Variants in TRDN observed in about 807,000 individuals in gnomAD.
The protein encoded by TRDN is triadin.
TRDN carries 161 observed loss-of-function variants against 149.7 expected under a neutral mutation model. That is an observed-to-expected ratio of 1.08 (90% confidence interval 0.95 to 1.23). The LOEUF (loss-of-function observed/expected upper bound fraction) is 1.23. Ranked by LOEUF, TRDN falls within the 50% of genes most tolerant of loss-of-function variation. The pLI is 0.00. For synonymous variants in TRDN, 294 were observed against 250.5 expected, an observed-to-expected ratio of 1.17 and a Z score of -1.64; for missense variants, 896 against 823.5, an observed-to-expected ratio of 1.09 and a Z score of -1.08.
chr6:123,279,056 G>A lies in TRDN; in HGVS notation c.1537C>T (p.Gln513Ter), dbSNP rs757355311. 30 of 1,608,808 alleles carry A rather than the reference G, an allele frequency of 1.9e-5. No homozygotes were observed. The South Asian group carries it at 1.9e-4, about 10-fold the overall frequency. ...TTTATTGAGCATGCATATAACATACGTGGAGGTTTAGGCTTGACTTCTTTG... is the reference window on the plus strand; with the variant it reads ...TTTATTGAGCATGCATATAACATACATGGAGGTTTAGGCTTGACTTCTTTG... Reference protein sequence around the residue: ...AGKEVKPKPPQLQGKKEEKPE... With the variant: ...AGKEVKPKPP Residue 513 changes from glutamine to a stop codon, truncating the protein, a stop_gained and splice_region_variant, in exon 25 of 41, where the codon CAA becomes TAA. Coordinates refer to ENST00000334268, the MANE Select transcript of TRDN (RefSeq NM_006073.4). LOFTEE classifies it high-confidence loss of function.
chr6:123,330,300 A>C (rs573735151), intron 23 of TRDN, among the ~76,000 whole-genome samples: 125 of 152,206 alleles, frequency 8.2e-4, no homozygotes, highest in African/African-American at 2.9e-3. Flanking sequence ...CAAGTCAACC[A>C]ACAGTAAGAT....
intron 9 of TRDN, among the ~76,000 whole-genome samples, chr6:123,475,807 C>G (rs1373849734): frequency 2.0e-5 from 3 of 151,232 alleles, no homozygotes; most frequent in African/African-American, 4.9e-5. Flanking sequence ...AAGACAAAAA[C>G]CACATGATTA....
intron 37 of TRDN, among the ~76,000 whole-genome samples, chr6:123,254,180 TA>T (rs1776472127): frequency 6.6e-6 from 1 of 152,098 alleles, no homozygotes; most frequent in African/African-American, 2.4e-5. Flanking sequence ...CAAAGGATAT[TA>T]AACAATATTT....
At chr6:123,427,246 C>T (rs1774160844) in intron 12 of TRDN, among the ~76,000 whole-genome samples, 1 of 149,884 alleles carries the variant, frequency 6.7e-6, no homozygotes, top group African/African-American at 2.4e-5. Context: ...ACTATGGCCT[C>T]ACTTCCTGGA....
chr6:123,429,804 T>C (rs147224800), intron 12 of TRDN, among the ~76,000 whole-genome samples: 21 of 152,332 alleles, frequency 1.4e-4, no homozygotes, highest in African/African-American at 5.1e-4. Flanking sequence ...TAATTTATCC[T>C]ATTAATAAAT....
intron 37 of TRDN, among the ~76,000 whole-genome samples, chr6:123,253,473 T>C (rs1776450368): frequency 6.6e-6 from 1 of 152,136 alleles, no homozygotes; most frequent in Admixed American, 6.6e-5. Flanking sequence ...ATTGTTAGAG[T>C]ACTATGCTTC....
At chr6:123,250,049 C>T (rs9385287) in intron 38 of TRDN, among the ~76,000 whole-genome samples, 26,517 of 151,936 alleles carry the variant, frequency 0.17, 2,905 homozygotes, top group East Asian at 0.49. Flanking sequence ...TTCCATACAC[C>T]AATAATGAAC....
intron 38 of TRDN, among the ~76,000 whole-genome samples, chr6:123,247,878 A>G (rs1380792825): frequency 6.6e-6 from 1 of 152,206 alleles, no homozygotes; most frequent in Admixed American, 6.5e-5. Context: ...ACAAAACAGC[A>G]TGGTACTGGT....
chr6:123,547,354 G>A lies in TRDN; in HGVS notation c.410C>T (p.Pro137Leu), dbSNP rs1242484153. The A allele has an allele frequency of 1.4e-6, 2 of 1,457,624 alleles. No individual in the cohort carries two copies. Among genetic ancestry groups the A allele is most frequent in the Non-Finnish European group, 1.8e-6 (2 of 1,098,748 alleles). The allele number at this position is 1,457,624 out of a possible 1,614,324, so 90.3% of individuals were successfully genotyped here. A position where few individuals can be genotyped will look rare whatever the true frequency, so the allele number is the denominator to read the frequency against. Residue 137 changes from proline (P) to leucine (L), a missense_variant, in exon 4 of 41, where the codon CCC becomes CTC. Coordinates refer to ENST00000334268, the MANE Select transcript of TRDN (RefSeq NM_006073.4). Reference sequence around the variant, plus strand: ...AAACAACTAACCTTTTTTTCTCAAGGGAGGCTCATCTATTTCTCCTAGACC... The same window carrying A: ...AAACAACTAACCTTTTTTTCTCAAGAGAGGCTCATCTATTTCTCCTAGACC... The part of the protein sequence containing the change: ...DTDKGEIDEP[P>L]LRKKEIHKDK...
At chr6:123,502,738 T>G in intron 8 of TRDN, 1 of 984,628 alleles carries the variant, frequency 1.0e-6, no homozygotes, top group Non-Finnish European at 1.2e-6. Context: ...ACCAATTCTT[T>G]GATACAGTCC....
At chr6:123,233,715 C>G (rs1775692138) in intron 38 of TRDN, among the ~76,000 whole-genome samples, 1 of 152,122 alleles carries the variant, frequency 6.6e-6, no homozygotes, top group South Asian at 2.1e-4. Context: ...ATTTTTTCTC[C>G]TAAAACAAAA....
intron 6 of TRDN, among the ~76,000 whole-genome samples, chr6:123,513,394 A>AT (rs1427303585): frequency 3.3e-5 from 5 of 152,100 alleles, no homozygotes; most frequent in African/African-American, 4.8e-5. Context: ...ATTTGAATAC[A>AT]TTTTTTTCTG....
At chr6:123,628,143 A>G (rs1467994021) in intron 1 of TRDN, among the ~76,000 whole-genome samples, 2 of 152,202 alleles carry the variant, frequency 1.3e-5, no homozygotes, top group Admixed American at 1.3e-4. Flanking sequence ...TTGGTGCAAG[A>G]GGCCTAGCTT....
chr6:123,311,310 C>T (rs1012247801), intron 24 of TRDN, among the ~76,000 whole-genome samples: 6 of 152,044 alleles, frequency 3.9e-5, no homozygotes, highest in African/African-American at 1.4e-4. Flanking sequence ...AAATCGCCCC[C>T]ATGATCCAAT....
chr6:123,619,597 C>T (rs996560646), intron 1 of TRDN, among the ~76,000 whole-genome samples: 13 of 152,030 alleles, frequency 8.6e-5, no homozygotes, highest in East Asian at 1.9e-4. Flanking sequence ...TTGTGTTTAA[C>T]GGGAGGAAAA....
At chr6:123,256,457 A>G (rs567628918) in intron 35 of TRDN, among the ~76,000 whole-genome samples, 1 of 152,160 alleles carries the variant, frequency 6.6e-6, no homozygotes, top group East Asian at 1.9e-4. Flanking sequence ...AACATTGTAA[A>G]AGCATTCCTA....
chr6:123,579,306 G>A (rs1783006247), intron 1 of TRDN, among the ~76,000 whole-genome samples: 1 of 152,034 alleles, frequency 6.6e-6, no homozygotes, highest in Admixed American at 6.6e-5. Context: ...TTATTTTGAG[G>A]TATGTTCCTT....
At chr6:123,614,259 A>G (rs1055792767) in intron 1 of TRDN, among the ~76,000 whole-genome samples, 2 of 149,930 alleles carry the variant, frequency 1.3e-5, no homozygotes, top group Admixed American at 1.3e-4. Flanking sequence ...TGATTAACAT[A>G]AGAATGTTAC....
At chr6:123,406,247 C>T (rs1773184993) in intron 12 of TRDN, among the ~76,000 whole-genome samples, 1 of 152,074 alleles carries the variant, frequency 6.6e-6, no homozygotes, top group South Asian at 2.1e-4. Context: ...AGATTGTATA[C>T]CACATTAAAT....
Sources: allele counts gnomAD v4.1 joint callset (sites outside exome capture counted in the v4.1 genomes callset), GRCh38; gene constraint gnomAD v4.1.1; transcripts MANE v1.5; gene names NCBI Gene and HGNC (gene_info 2026-07-23, HGNC 2026-07-21).